Variants in GNG2 observed in about 807,000 individuals in gnomAD.
GNG2 encodes the protein G protein subunit gamma 2.
Under a neutral mutation model 5.5 loss-of-function variants are expected in GNG2, and 5 were observed. The observed-to-expected ratio is 0.91, with a 90% confidence interval of 0.48 to 1.92. The LOEUF (loss-of-function observed/expected upper bound fraction) is 1.92, where lower values mean the gene tolerates loss of function less well. GNG2 is among the 30% of genes most tolerant of loss of function. The pLI, the probability that GNG2 is intolerant of heterozygous loss-of-function variation, is 0.01. For synonymous variants in GNG2, 28 were observed against 32.0 expected (o/e 0.88, Z 0.42); for missense variants, 55 against 88.4 (o/e 0.62, Z 1.52).
At chr14:51,861,222 C>A (rs1882456759) in intron 1 of GNG2, 2 of 152,270 alleles carry the variant, frequency 1.3e-5, no homozygotes, top group South Asian at 4.1e-4. Context: ...AAAATAATGG[C>A]TGTGATTTGG....
At chr14:51,898,381 G>A (rs2140174437) in intron 2 of GNG2, among the ~76,000 whole-genome samples, 1 of 152,254 alleles carries the variant, frequency 6.6e-6, no homozygotes, top group South Asian at 2.1e-4. Flanking sequence ...GCATTGGGAT[G>A]GATGTAGGAA....
intron 1 of GNG2, among the ~76,000 whole-genome samples, chr14:51,872,064 C>G (rs1221644097): frequency 1.3e-5 from 2 of 152,200 alleles, no homozygotes; most frequent in Non-Finnish European, 2.9e-5. Context: ...TCTCTGCACT[C>G]TTAAGCCTGG....
At chr14:51,865,780 G>T (rs1046632421) in intron 1 of GNG2, among the ~76,000 whole-genome samples, 1 of 152,128 alleles carries the variant, frequency 6.6e-6, no homozygotes, top group African/African-American at 2.4e-5. Context: ...GTACAAACTT[G>T]TTCAGGTGTG....
intron 2 of GNG2, among the ~76,000 whole-genome samples, chr14:51,938,201 C>T (rs1014893501): frequency 6.6e-6 from 1 of 152,130 alleles, no homozygotes; most frequent in East Asian, 1.9e-4. Flanking sequence ...ATTCACCAAC[C>T]CTCCCTCAAA....
chr14:51,897,414 G>A (rs527544375), intron 2 of GNG2, among the ~76,000 whole-genome samples: 99 of 152,236 alleles, frequency 6.5e-4, no homozygotes, highest in African/African-American at 2.3e-3. Context: ...GGACAATTCC[G>A]GGGTGGGGGC....
chr14:51,870,486 C>T (rs1410141947), intron 1 of GNG2, among the ~76,000 whole-genome samples: 3 of 152,196 alleles, frequency 2.0e-5, no homozygotes, highest in Admixed American at 1.3e-4. Flanking sequence ...ATTGCATTTT[C>T]CTGACTGGTC....
intron 2 of GNG2, among the ~76,000 whole-genome samples, chr14:51,935,949 T>A (rs1208373813): frequency 1.3e-5 from 2 of 152,142 alleles, no homozygotes; most frequent in African/African-American, 4.8e-5. Flanking sequence ...TTTAAATGCC[T>A]CATATTTAAT....
In GNG2 at chr14:51,915,990, CA is replaced by C. The variant is rs1486522936; in HGVS notation, c.-29-34659del. On this transcript the variant is annotated intron_variant, in intron 2 of 3. Coordinates refer to ENST00000556766, the MANE Select transcript of GNG2 (RefSeq NM_053064.5). ...CAGGACGGGAGGCATTACAGTTATA[CA>C]GTAAAACTATAAAAGAATAAAAAAG... Among the ~76,000 whole-genome samples the C allele has an allele frequency of 2.6e-5, 4 of 152,258 alleles. No individual in the cohort carries two copies. In the East Asian group the frequency reaches 7.7e-4, roughly 29 times the overall value.
intron 2 of GNG2, among the ~76,000 whole-genome samples, chr14:51,850,898 G>A (rs987679917): frequency 3.3e-5 from 5 of 152,064 alleles, no homozygotes; most frequent in Admixed American, 3.3e-4. Flanking sequence ...GCCATTCATG[G>A]GGGATCCACC....
intron 2 of GNG2, among the ~76,000 whole-genome samples, chr14:51,924,871 C>G (rs1450326710): frequency 6.6e-6 from 1 of 152,196 alleles, no homozygotes; most frequent in Non-Finnish European, 1.5e-5. Context: ...GTTCATCATC[C>G]TAATAACACA....
chr14:51,956,480 G>T (rs1463996400), intron 3 of GNG2, among the ~76,000 whole-genome samples: 2 of 152,150 alleles, frequency 1.3e-5, no homozygotes, highest in African/African-American at 4.8e-5. Flanking sequence ...ATTGCTTGGT[G>T]TGGGAAAACC....
Position 51,950,778 on chromosome 14 carries a change from T to A in GNG2, c.87+13T>A, listed in dbSNP as rs1566709716. On this transcript the variant is annotated intron_variant, in intron 3 of 3. Coordinates refer to ENST00000556766, the MANE Select transcript of GNG2 (RefSeq NM_053064.5). ...CGACAGGATAAAGGTGAGGATGGTCTAACCCCACACTTCATCTAGCGTGAG... is the reference window on the plus strand; with the variant it reads ...CGACAGGATAAAGGTGAGGATGGTCAAACCCCACACTTCATCTAGCGTGAG... 3.9e-6 allele frequency: 6 copies of A among 1,535,144 alleles called. 1 individual carries two copies. In the South Asian group the frequency reaches 7.1e-5, roughly 18 times the overall value.
chr14:51,912,624 T>G (rs1414366151), intron 2 of GNG2, among the ~76,000 whole-genome samples: 1 of 152,176 alleles, frequency 6.6e-6, no homozygotes, highest in African/African-American at 2.4e-5. Flanking sequence ...AGGGGTAAAA[T>G]TCCCAAAACA....
Position 51,925,772 on chromosome 14 carries a change from C to T in GNG2, c.-29-24878C>T, listed in dbSNP as rs139989544. Among the ~76,000 whole-genome samples the T allele has an allele frequency of 1.5e-4, 21 of 142,186 alleles. No individual in the cohort carries two copies. In the South Asian group the frequency reaches 3.6e-3, roughly 24 times the overall value. 93.3% of individuals were successfully genotyped at this position (142,186 alleles called of 152,430 possible). On this transcript the variant is annotated intron_variant, in intron 2 of 3. Coordinates refer to ENST00000556766, the MANE Select transcript of GNG2 (RefSeq NM_053064.5). ...GATTATAGGCATGCACCACTATGCC[C>T]GGCTAATTTTTGTAATTTTTTTTTT...
intron 2 of GNG2, among the ~76,000 whole-genome samples, chr14:51,923,131 A>C (rs960197180): frequency 7.2e-5 from 11 of 152,162 alleles, no homozygotes; most frequent in Non-Finnish European, 1.6e-4. Context: ...TTAAGCAGGA[A>C]ATGCTTGGAG....
intron 2 of GNG2, among the ~76,000 whole-genome samples, chr14:51,903,199 T>C (rs1225234943): frequency 6.6e-6 from 1 of 152,208 alleles, no homozygotes; most frequent in African/African-American, 2.4e-5. Context: ...AATGATATAT[T>C]TCATATGTAA....
chr14:51,935,215 C>T (rs1200234735), intron 2 of GNG2, among the ~76,000 whole-genome samples: 5 of 151,762 alleles, frequency 3.3e-5, no homozygotes, highest in East Asian at 1.9e-4. Flanking sequence ...TCAGTAGAGA[C>T]GGGGTTTCAC....
At chr14:51,853,833 C>T (rs942363350) in intron 2 of GNG2, among the ~76,000 whole-genome samples, 10 of 151,990 alleles carry the variant, frequency 6.6e-5, no homozygotes, top group Admixed American at 1.3e-4. Context: ...TCACACTTTG[C>T]TGCTAACTCC....
chr14:51,839,346 A>T (rs925837775), intron 2 of GNG2, among the ~76,000 whole-genome samples: 2 of 152,234 alleles, frequency 1.3e-5, no homozygotes, highest in African/African-American at 4.8e-5. Context: ...AAATGGTTGC[A>T]TTCTTTTGAG....
Sources: allele counts gnomAD v4.1 joint callset (sites outside exome capture counted in the v4.1 genomes callset), GRCh38; gene constraint gnomAD v4.1.1; transcripts MANE v1.5; gene names NCBI Gene and HGNC (gene_info 2026-07-23, HGNC 2026-07-21).